NICN1: variants seen among roughly 807,000 people sequenced by gnomAD.
The protein encoded by NICN1 is nicolin-1.
NICN1 carries 18 observed loss-of-function variants against 26.3 expected under a neutral mutation model. The observed-to-expected ratio is 0.68, with a 90% CI of 0.47 to 1.01. The LOEUF (loss-of-function observed/expected upper bound fraction) is 1.01. Among genes scored for constraint, NICN1 ranks in the 50% least tolerant of loss-of-function variants. The pLI is 0.00. For synonymous variants in NICN1, 109 were observed against 111.0 expected, an observed-to-expected ratio of 0.98 and a Z score of 0.11; for missense variants, 239 against 278.3, an observed-to-expected ratio of 0.86 and a Z score of 1.00.
chr3:49,427,674 T>G (rs2049186372), intron 1 of NICN1, among the ~76,000 whole-genome samples: 1 of 146,274 alleles, frequency 6.8e-6, no homozygotes, highest in African/African-American at 2.5e-5. Context: ...GAAATGTAGA[T>G]AATGTAAAAG....
At chr3:49,426,151 C>T in intron 2 of NICN1, 101 bp downstream of exon 2, 2 of 1,310,856 alleles carry the variant, frequency 1.5e-6, no homozygotes, top group Non-Finnish European at 2.1e-6. Context: ...ACAGTTCAGG[C>T]CAGACTGGCC....
intron 1 of NICN1, among the ~76,000 whole-genome samples, chr3:49,427,322 C>CAA (rs1336376899): frequency 1.8e-5 from 2 of 108,826 alleles, no homozygotes; most frequent in Admixed American, 9.7e-5. Context: ...GACACGGTCT[C>CAA]AAAAAAAAAA....
intron 1 of NICN1, among the ~76,000 whole-genome samples, chr3:49,428,795 G>A (rs2049195182): frequency 6.6e-6 from 1 of 151,860 alleles, no homozygotes; most frequent in Non-Finnish European, 1.5e-5. Context: ...CTGTGGCCAG[G>A]GACAAAATGA....
chr3:49,422,479 A>G lies in NICN1; in HGVS notation c.*2354T>C, dbSNP rs749854761. On this transcript the variant is annotated 3_prime_UTR_variant, in exon 6 of 6. Coordinates refer to ENST00000273598, the MANE Select transcript of NICN1 (RefSeq NM_032316.3). Reference sequence around the variant, plus strand: ...CGCCTGCAACGAGTGCAGACGGCGCACAGAGGCCACCACACTGCCAGGCAC... The same window carrying G: ...CGCCTGCAACGAGTGCAGACGGCGCGCAGAGGCCACCACACTGCCAGGCAC... 1 of 1,606,490 alleles carries G rather than the reference A, an allele frequency of 6.2e-7. No individual in the cohort carries two copies. The highest frequency in any genetic ancestry group is 1.1e-5 in the South Asian group (1 of 90,440).
At chr3:49,425,110 G>A in intron 4 of NICN1, 57 bp from the exon 5 acceptor site, 2 of 1,458,596 alleles carry the variant, frequency 1.4e-6, no homozygotes, top group East Asian at 2.3e-5. Flanking sequence ...TGCCCTTCAG[G>A]CTCCAGAGAG....
chr3:49,425,528 G>A (rs978384615), intron 3 of NICN1, 90 bp from the exon 4 acceptor site: 10 of 1,085,792 alleles, frequency 9.2e-6, no homozygotes, highest in Middle Eastern at 2.2e-4. Flanking sequence ...GAGAAGGGCC[G>A]CTGGGCCTCA....
At position 49,422,457 on chromosome 3, in the gene NICN1, C is replaced by G. The variant is rs1483690738; in HGVS notation, c.*2376G>C. On this transcript the variant is annotated 3_prime_UTR_variant, in exon 6 of 6. Coordinates refer to ENST00000273598, the MANE Select transcript of NICN1 (RefSeq NM_032316.3). ...CACTTACAGCCCTCTGCATCGTCGC[C>G]TGCAACGAGTGCAGACGGCGCACAG... The G allele has an allele frequency of 6.2e-7, 1 of 1,612,498 alleles. No homozygotes were observed.
At chr3:49,425,730 C>T (rs1274159217) in intron 3 of NICN1, among the ~76,000 whole-genome samples, 153 bp downstream of exon 3, 1 of 152,196 alleles carries the variant, frequency 6.6e-6, no homozygotes, top group African/African-American at 2.4e-5. Flanking sequence ...ATGGCCTCAC[C>T]TCTCATTGTG....
chr3:49,428,860 C>A (rs978859069), intron 1 of NICN1, among the ~76,000 whole-genome samples: 1 of 152,168 alleles, frequency 6.6e-6, no homozygotes, highest in Non-Finnish European at 1.5e-5. Context: ...ACCTAGCCCA[C>A]TCTCGCCACC....
Position 49,424,651 on chromosome 3 carries a change from A to G in NICN1, c.*182T>C, listed in dbSNP as rs1000947311. The stretch of plus-strand genomic sequence containing the variant: ...GGCGAAGACAGAGCACCCCCATGCC[A>G]GGAGCTCATGCTGAAGTAACACGGT... On this transcript the variant is annotated 3_prime_UTR_variant, in exon 6 of 6. Transcript: ENST00000273598. The G allele has an allele frequency of 4.7e-6, 3 of 632,878 alleles. No individual in the cohort carries two copies. Among genetic ancestry groups the G allele is most frequent in the African/African-American group, 3.7e-5 (2 of 54,716 alleles). The allele number at this position is 632,878 out of a possible 1,614,324, so 39.2% of individuals were successfully genotyped here.
rs541307471 is a variant in NICN1 at position 49,426,674 on chromosome 3, C to G, written c.133-246G>C. Among the ~76,000 whole-genome samples the G allele has an allele frequency of 8.5e-5, 13 of 152,178 alleles. No homozygotes were observed. The South Asian group carries it at 2.3e-3, about 27-fold the overall frequency. ...TCCCTAGTAGCCGGGACTACAGGTACGTGCCACCACGCCCAGCTAATTGTT... is the reference window on the plus strand; with the variant it reads ...TCCCTAGTAGCCGGGACTACAGGTAGGTGCCACCACGCCCAGCTAATTGTT... On this transcript the variant is annotated intron_variant, in intron 1 of 5. Coordinates refer to ENST00000273598, the MANE Select transcript of NICN1 (RefSeq NM_032316.3).
chr3:49,422,679 G>T lies in NICN1; in HGVS notation c.*2154C>A. The T allele has an allele frequency of 1.5e-6, 1 of 681,924 alleles. No individual in the cohort carries two copies. The highest frequency in any genetic ancestry group is 2.8e-5 in the East Asian group (1 of 35,984). 42.2% of individuals were successfully genotyped at this position (681,924 alleles called of 1,614,324 possible). Reference sequence around the variant, plus strand: ...TTCGGCTGACTCTTCAGGGCAGCTCGGGCAATCCAGAGCTGATTGGGCTGC... The same window carrying T: ...TTCGGCTGACTCTTCAGGGCAGCTCTGGCAATCCAGAGCTGATTGGGCTGC... On this transcript the variant is annotated 3_prime_UTR_variant, in exon 6 of 6. Transcript: ENST00000273598.
At chr3:49,425,734 C>T in intron 3 of NICN1, 149 bp downstream of exon 3, 1 of 600,456 alleles carries the variant, frequency 1.7e-6, no homozygotes, top group Non-Finnish European at 3.0e-6. Context: ...CCTCACCTCT[C>T]ATTGTGAGCT....
Position 49,425,993 on chromosome 3 carries a change from G to A in NICN1, c.313C>T (p.Leu105=). Residue 105 remains leucine (L), a synonymous_variant, in exon 3 of 6, where the codon CTG becomes TTG. Transcript: ENST00000273598. ...TCCGATATTCTAGCCATGTCACACA[G>A]CATCTGACACACACACACAAGGACC... ...EYVSLFKHQM[L]CDMARISELR... 1 of 1,591,082 alleles carries A rather than the reference G, an allele frequency of 6.3e-7. No homozygotes were observed. Among genetic ancestry groups the A allele is most frequent in the Non-Finnish European group, 8.6e-7 (1 of 1,159,898 alleles).
At position 49,424,556 on chromosome 3, in the gene NICN1, C is replaced by G; in HGVS notation, c.*277G>C. 3.5e-6 allele frequency: 2 copies of G among 577,632 alleles called. No homozygotes were observed. The highest frequency in any genetic ancestry group is 2.0e-5 in the South Asian group (1 of 48,884). The allele number at this position is 577,632 out of a possible 1,614,324, so 35.8% of individuals were successfully genotyped here. A position where few individuals can be genotyped will look rare whatever the true frequency, so the allele number is the denominator to read the frequency against. ...ATGTTGCCAGAAGGGGCAGAGGGCACTCAGGGATTCTCAGTAAGTACAACT... is the reference window on the plus strand; with the variant it reads ...ATGTTGCCAGAAGGGGCAGAGGGCAGTCAGGGATTCTCAGTAAGTACAACT... On this transcript the variant is annotated 3_prime_UTR_variant, in exon 6 of 6. Transcript: ENST00000273598.
Position 49,424,770 on chromosome 3 carries a change from TG to T in NICN1, c.*62del. The T allele has an allele frequency of 7.4e-7, 1 of 1,346,558 alleles. No homozygotes were observed. Among genetic ancestry groups the T allele is most frequent in the Non-Finnish European group, 1.1e-6 (1 of 936,208 alleles). The allele number at this position is 1,346,558 out of a possible 1,614,324, so 83.4% of individuals were successfully genotyped here. A position where few individuals can be genotyped will look rare whatever the true frequency, so the allele number is the denominator to read the frequency against. On this transcript the variant is annotated 3_prime_UTR_variant, in exon 6 of 6. Transcript: ENST00000273598. ...TGCACAGGAAATACACTTCAGCCTC[TG>T]GTGGCCCAAACCAAGTCTGGGTGGG... is the stretch of plus-strand genomic sequence containing the variant.
At chr3:49,424,925 A>C (rs2049158605) in intron 5 of NICN1, 24 bp downstream of exon 5, 1 of 1,613,018 alleles carries the variant, frequency 6.2e-7, no homozygotes, top group Non-Finnish European at 8.5e-7. Flanking sequence ...AAAGCAAGCC[A>C]AGCAGAAGGA....
At position 49,424,482 on chromosome 3, in the gene NICN1, C is replaced by T; in HGVS notation, c.*351G>A. The T allele has an allele frequency of 4.5e-6, 2 of 448,524 alleles. No homozygotes were observed. The highest frequency in any genetic ancestry group is 8.1e-6 in the Non-Finnish European group (2 of 245,570). 27.8% of individuals were successfully genotyped at this position (448,524 alleles called of 1,614,324 possible). On this transcript the variant is annotated 3_prime_UTR_variant, in exon 6 of 6. Coordinates refer to ENST00000273598, the MANE Select transcript of NICN1 (RefSeq NM_032316.3). ...TGGAGCAGGTTTTAGTAGGTCAGCC[C>T]AGCCCAACTGCACTGACATGAGGGA... is the stretch of plus-strand genomic sequence containing the variant.
In NICN1 at chr3:49,429,249, A is replaced by C. The variant is rs1326771332; in HGVS notation, c.-10T>G. ...CCAAAACGCGGGACATGGTGACAGC[A>C]GCCGCAACTAAGTGCAACCGCCGCT... On this transcript the variant is annotated 5_prime_UTR_variant, in exon 1 of 6. Transcript: ENST00000273598. 6.3e-7 allele frequency: 1 copy of C among 1,591,148 alleles called. No individual in the cohort carries two copies. Among genetic ancestry groups the C allele is most frequent in the African/African-American group, 1.4e-5 (1 of 73,614 alleles).
Sources: allele counts gnomAD v4.1 joint callset (sites outside exome capture counted in the v4.1 genomes callset), GRCh38; gene constraint gnomAD v4.1.1; transcripts MANE v1.5; gene names NCBI Gene and HGNC (gene_info 2026-07-23, HGNC 2026-07-21).